Variants in DACH2 observed in about 807,000 individuals in gnomAD.
DACH2 encodes dachshund family transcription factor 2.
DACH2 carries 17 observed loss-of-function variants against 35.8 expected under a neutral mutation model. The ratio of observed to expected loss-of-function variants is 0.48; its 90% confidence interval spans 0.33 to 0.71. The LOEUF is 0.71. DACH2 is among the 30% of genes least tolerant of loss of function. DACH2 has a pLI of 0.02. For missense variants in DACH2, 469 were observed against 472.7 expected, an observed-to-expected ratio of 0.99 and a Z score of 0.07; for synonymous variants, 195 against 177.3, an observed-to-expected ratio of 1.10 and a Z score of -0.79.
chrX:86,268,045 A>C (rs765691257), intron 1 of DACH2, among the ~76,000 whole-genome samples: 7 of 112,137 alleles, frequency 6.2e-5, no homozygotes, highest in Non-Finnish European at 1.1e-4. Context: ...GTAGATGAGA[A>C]AAATTGTCAG....
chrX:86,169,504 T>C (rs893387355), intron 1 of DACH2, among the ~76,000 whole-genome samples: 14 of 111,217 alleles, frequency 1.3e-4, no homozygotes, highest in Non-Finnish European at 1.3e-4. Context: ...CTGTCTTCTC[T>C]TTAAGGCCAG....
At chrX:86,538,809 T>C (rs2038840203) in intron 3 of DACH2, among the ~76,000 whole-genome samples, 1 of 111,885 alleles carries the variant, frequency 8.9e-6, no homozygotes, top group Non-Finnish European at 1.9e-5. Context: ...GGGAGACATA[T>C]TCAAACTGTT....
At chrX:86,280,332 A>G (rs1369656833) in intron 1 of DACH2, among the ~76,000 whole-genome samples, 1 of 112,064 alleles carries the variant, frequency 8.9e-6, no homozygotes, top group Non-Finnish European at 1.9e-5. Context: ...TTCAACCCAG[A>G]GTTTCATATC....
chrX:86,685,429 C>T (rs1410587166), intron 4 of DACH2, among the ~76,000 whole-genome samples: 2 of 111,668 alleles, frequency 1.8e-5, no homozygotes, highest in East Asian at 5.6e-4. Flanking sequence ...AATATTAAAA[C>T]TCAAATATCT....
intron 1 of DACH2, among the ~76,000 whole-genome samples, chrX:86,153,152 TAAATGGGTGCTTGA>T (rs762237616): frequency 9.0e-6 from 1 of 111,387 alleles, no homozygotes; most frequent in Admixed American, 9.5e-5. Flanking sequence ...CATTTAGAGT[TAAATGGGTGCTTGA>T]AGAAACAAGA....
intron 7 of DACH2, among the ~76,000 whole-genome samples, chrX:86,762,854 G>T (rs2041896710): frequency 9.0e-6 from 1 of 111,277 alleles, no homozygotes; most frequent in Non-Finnish European, 1.9e-5. Flanking sequence ...ATGTACAATT[G>T]CATTATTATT....
At chrX:86,234,941 G>T (rs759957035) in intron 1 of DACH2, among the ~76,000 whole-genome samples, 2 of 111,636 alleles carry the variant, frequency 1.8e-5, no homozygotes, top group African/African-American at 6.5e-5. Flanking sequence ...ATTAACTAAA[G>T]TTTATACTTT....
At chrX:86,546,109 G>T (rs1412069575) in intron 3 of DACH2, among the ~76,000 whole-genome samples, 2 of 109,965 alleles carry the variant, frequency 1.8e-5, no homozygotes, top group Non-Finnish European at 3.8e-5. Context: ...TTATTTTCCA[G>T]TTTTTTGCAG....
rs775013107 is a variant in DACH2, at chrX:86,807,994, T to TAAG, written c.1241-4861_1241-4859dup. Among the ~76,000 whole-genome samples, 17 of 112,008 alleles carry TAAG rather than the reference T, an allele frequency of 1.5e-4. No homozygotes were observed. The East Asian group carries it at 3.7e-3, about 24-fold the overall frequency. ...GTGGAAGTTCTGTGGGGCTTTAGTC[T>TAAG]AAGGACAGTGGGAATGCCTTTCAGC... On this transcript the variant is annotated intron_variant, in intron 7 of 11. Coordinates refer to ENST00000373125, the MANE Select transcript of DACH2 (RefSeq NM_053281.3).
At chrX:86,788,949 G>A (rs2042163118) in intron 7 of DACH2, among the ~76,000 whole-genome samples, 1 of 111,448 alleles carries the variant, frequency 9.0e-6, no homozygotes, top group African/African-American at 3.3e-5. Flanking sequence ...ACTTTCTCCT[G>A]ATTTGTCCTT....
intron 2 of DACH2, among the ~76,000 whole-genome samples, chrX:86,434,994 T>TCATGAGGGATGTTCTTACAAGC (rs2037044619): frequency 9.0e-6 from 1 of 110,688 alleles, no homozygotes; most frequent in Non-Finnish European, 1.9e-5. Context: ...AACTCACTCA[T>TCATGAGGGATGTTCTTACAAGC]CATGAGGGAT....
chrX:86,676,230 T>A (rs2040823985), intron 4 of DACH2, among the ~76,000 whole-genome samples: 1 of 112,105 alleles, frequency 8.9e-6, no homozygotes, highest in African/African-American at 3.2e-5. Context: ...AGCTGAAGAA[T>A]AACCTTTTCT....
At chrX:86,320,771 G>A (rs1046579267) in intron 1 of DACH2, among the ~76,000 whole-genome samples, 9 of 111,764 alleles carry the variant, frequency 8.1e-5, no homozygotes, top group African/African-American at 2.9e-4. Flanking sequence ...AACTTCCAGG[G>A]CCATTTCCTT....
chrX:86,444,472 C>A (rs768256413), intron 2 of DACH2, among the ~76,000 whole-genome samples: 1 of 111,720 alleles, frequency 9.0e-6, no homozygotes, highest in Admixed American at 9.6e-5. Context: ...CCTTTTATTA[C>A]TGATTCAGTC....
At chrX:86,436,596 T>G (rs1390721227) in intron 2 of DACH2, among the ~76,000 whole-genome samples, 1 of 111,273 alleles carries the variant, frequency 9.0e-6, no homozygotes, top group East Asian at 2.8e-4. Context: ...AGATTTGGAC[T>G]GTGGTTTTTT....
At chrX:86,445,549 ACT>A (rs2037253378) in intron 2 of DACH2, among the ~76,000 whole-genome samples, 1 of 74,002 alleles carries the variant, frequency 1.4e-5, no homozygotes, top group Non-Finnish European at 2.4e-5. Context: ...AAAAAAAGAA[ACT>A]ACCATCAGAG....
intron 2 of DACH2, among the ~76,000 whole-genome samples, chrX:86,404,562 G>A (rs1193242426): frequency 8.9e-6 from 1 of 112,428 alleles, no homozygotes; most frequent in African/African-American, 3.2e-5. Context: ...CATGGACTTT[G>A]GCAGCTGTGC....
intron 3 of DACH2, among the ~76,000 whole-genome samples, chrX:86,624,060 CAAAAAAA>C (rs34140706): frequency 1.9e-4 from 7 of 36,052 alleles, no homozygotes; most frequent in South Asian, 2.9e-3. Flanking sequence ...AAAAACAAAA[CAAAAAAA>C]AAAAAAAAAA....
rs141658746 is a variant in DACH2, at chrX:86,179,301, T to A, written c.488+30193T>A. 5.3e-5 allele frequency among the ~76,000 whole-genome samples: 6 copies of A among 112,531 alleles called. No individual in the cohort carries two copies. The East Asian group carries it at 1.7e-3, about 31-fold the overall frequency. On this transcript the variant is annotated intron_variant, in intron 1 of 11. Coordinates refer to ENST00000373125, the MANE Select transcript of DACH2 (RefSeq NM_053281.3). ...CCCCCCAGGCTGAAGAAGATAGTTGTATGAACGAACAGCAAAATCTGTATC... is the reference window on the plus strand; with the variant it reads ...CCCCCCAGGCTGAAGAAGATAGTTGAATGAACGAACAGCAAAATCTGTATC...
Sources: allele counts gnomAD v4.1 joint callset (sites outside exome capture counted in the v4.1 genomes callset), GRCh38; gene constraint gnomAD v4.1.1; transcripts MANE v1.5; gene names NCBI Gene and HGNC (gene_info 2026-07-23, HGNC 2026-07-21).